The following ADAMTSL1 variants were observed in gnomAD, a reference collection of about 807,000 sequenced individuals.
ADAMTSL1 encodes the protein ADAMTS-like protein 1.
Under a neutral mutation model 201.8 loss-of-function variants are expected in ADAMTSL1, and 126 were observed. That is an observed-to-expected ratio of 0.62 (90% CI 0.54 to 0.72). The LOEUF (loss-of-function observed/expected upper bound fraction) is 0.72, where lower values mean the gene tolerates loss of function less well. ADAMTSL1 is among the 30% of genes least tolerant of loss of function. The pLI is 0.00. For missense variants in ADAMTSL1, 2,679 were observed against 2,277.8 expected (o/e 1.18, Z -3.59); for synonymous variants, 1,121 against 903.4 (o/e 1.24, Z -4.32).
At chr9:18,151,974 A>G (rs182249156) in intron 1 of ADAMTSL1, among the ~76,000 whole-genome samples, 1 of 152,188 alleles carries the variant, frequency 6.6e-6, no homozygotes, top group African/African-American at 2.4e-5. Context: ...GACATGCTCT[A>G]CTAGCTCATA....
intron 2 of ADAMTSL1, among the ~76,000 whole-genome samples, chr9:18,203,252 A>G (rs902226092): frequency 6.6e-6 from 1 of 152,098 alleles, no homozygotes; most frequent in African/African-American, 2.4e-5. Flanking sequence ...TAGGATGCTG[A>G]GAGAACCAGG....
chr9:18,216,876 T>C (rs1309722377), intron 2 of ADAMTSL1, among the ~76,000 whole-genome samples: 1 of 152,122 alleles, frequency 6.6e-6, no homozygotes, highest in Non-Finnish European at 1.5e-5. Flanking sequence ...ACCAGCTACG[T>C]TGAAATCCTG....
At chr9:18,341,176 C>T (rs908065153) in intron 2 of ADAMTSL1, among the ~76,000 whole-genome samples, 4 of 152,226 alleles carry the variant, frequency 2.6e-5, no homozygotes, top group Non-Finnish European at 4.4e-5. Context: ...AACCCAGACT[C>T]CTACATGATT....
At chr9:18,453,751 G>A (rs900246031) in intron 2 of ADAMTSL1, among the ~76,000 whole-genome samples, 2 of 152,108 alleles carry the variant, frequency 1.3e-5, no homozygotes, top group African/African-American at 4.8e-5. Flanking sequence ...CTTATAAGTG[G>A]TTGATTAGGA....
chr9:18,070,607 A>G (rs758779629), intron 1 of ADAMTSL1, among the ~76,000 whole-genome samples: 4 of 152,194 alleles, frequency 2.6e-5, no homozygotes, highest in Non-Finnish European at 5.9e-5. Context: ...TATTCTAGTA[A>G]GCTTGAACTA....
chr9:18,553,081 T>C (rs899770071), intron 3 of ADAMTSL1, among the ~76,000 whole-genome samples: 16 of 151,540 alleles, frequency 1.1e-4, no homozygotes, highest in African/African-American at 3.9e-4. Context: ...CTTTCTTCCA[T>C]CTATTTGCTG....
intron 2 of ADAMTSL1, among the ~76,000 whole-genome samples, chr9:18,180,089 T>A (rs1467544612): frequency 3.9e-5 from 6 of 152,076 alleles, no homozygotes; most frequent in Non-Finnish European, 2.9e-5. Flanking sequence ...GCAAATTGGA[T>A]AAAGAGTCAA....
intron 1 of ADAMTSL1, among the ~76,000 whole-genome samples, chr9:18,025,506 T>C (rs540923204): frequency 9.9e-5 from 15 of 152,084 alleles, no homozygotes; most frequent in African/African-American, 2.9e-4. Flanking sequence ...ATTTATTGAA[T>C]AGAGTCCTTT....
At chr9:18,591,152 A>G (rs1363499749) in intron 4 of ADAMTSL1, among the ~76,000 whole-genome samples, 2 of 152,072 alleles carry the variant, frequency 1.3e-5, no homozygotes, top group Non-Finnish European at 2.9e-5. Flanking sequence ...ATTGCCATCT[A>G]TCTCTCCTTT....
intron 2 of ADAMTSL1, among the ~76,000 whole-genome samples, chr9:18,177,851 A>G (rs1828245263): frequency 6.6e-6 from 1 of 152,222 alleles, no homozygotes; most frequent in Non-Finnish European, 1.5e-5. Flanking sequence ...GAGAATGGGT[A>G]CTGGAGTGAG....
chr9:18,821,524 C>T (rs917864903), intron 21 of ADAMTSL1, among the ~76,000 whole-genome samples: 1 of 152,126 alleles, frequency 6.6e-6, no homozygotes, highest in Non-Finnish European at 1.5e-5. Flanking sequence ...CGCACAACTA[C>T]AAAGGATGCT....
chr9:18,442,083 T>C (rs1330135554), intron 2 of ADAMTSL1, among the ~76,000 whole-genome samples: 1 of 152,220 alleles, frequency 6.6e-6, no homozygotes, highest in Non-Finnish European at 1.5e-5. Flanking sequence ...TATTACCTTG[T>C]GTATTAAAAG....
intron 3 of ADAMTSL1, among the ~76,000 whole-genome samples, chr9:18,540,756 G>A (rs915848126): frequency 6.6e-6 from 1 of 152,128 alleles, no homozygotes; most frequent in Non-Finnish European, 1.5e-5. Flanking sequence ...GCCAGTCTCA[G>A]GTGAAATATA....
At chr9:18,719,329 T>A (rs1255212092) in intron 14 of ADAMTSL1, among the ~76,000 whole-genome samples, 2 of 152,290 alleles carry the variant, frequency 1.3e-5, no homozygotes, top group South Asian at 2.1e-4. Flanking sequence ...AATATTGTGA[T>A]TCTTTTTTTA....
chr9:18,086,718 T>C (rs1823785746), intron 1 of ADAMTSL1, among the ~76,000 whole-genome samples: 1 of 152,202 alleles, frequency 6.6e-6, no homozygotes, highest in Non-Finnish European at 1.5e-5. Context: ...TTAAATGATT[T>C]TGTACAACAA....
At chr9:18,287,652 T>TACATCA (rs368548128) in intron 2 of ADAMTSL1, among the ~76,000 whole-genome samples, 1 of 143,524 alleles carries the variant, frequency 7.0e-6, no homozygotes, top group East Asian at 2.2e-4. Flanking sequence ...TGTGTATACA[T>TACATCA]ATACACATAT....
chr9:18,228,847 T>G (rs1341160400), intron 2 of ADAMTSL1, among the ~76,000 whole-genome samples: 2 of 152,032 alleles, frequency 1.3e-5, no homozygotes, highest in Non-Finnish European at 2.9e-5. Context: ...TTTTTGTTTT[T>G]TTTTTTTTTG....
intron 2 of ADAMTSL1, among the ~76,000 whole-genome samples, chr9:18,368,511 C>T (rs1157292463): frequency 6.6e-6 from 1 of 152,132 alleles, no homozygotes; most frequent in Non-Finnish European, 1.5e-5. Context: ...CACCATCTTA[C>T]AGAAGAGGAA....
At chr9:18,486,023 G>T (rs1488960834) in intron 1 of ADAMTSL1, among the ~76,000 whole-genome samples, 2 of 152,194 alleles carry the variant, frequency 1.3e-5, no homozygotes, top group African/African-American at 4.8e-5. Context: ...TCCCTTTGCT[G>T]TACATCTTGA....
Sources: allele counts gnomAD v4.1 joint callset (sites outside exome capture counted in the v4.1 genomes callset), GRCh38; gene constraint gnomAD v4.1.1; transcripts MANE v1.5; gene names NCBI Gene and HGNC (gene_info 2026-07-23, HGNC 2026-07-21).